Variants in NARF observed in about 807,000 individuals in gnomAD.
NARF encodes iron-only hydrogenase-like protein 2.
In NARF, 41 loss-of-function variants were observed where a neutral mutation model predicts 48.0. The ratio of observed to expected loss-of-function variants is 0.85; its 90% CI spans 0.66 to 1.11. The LOEUF is 1.11. Ranked by LOEUF, NARF falls within the 50% of genes least tolerant of loss-of-function variation. The pLI is 0.00. For missense variants in NARF, 613 were observed against 590.2 expected, an observed-to-expected ratio of 1.04 and a Z score of -0.40; for synonymous variants, 215 against 225.5, an observed-to-expected ratio of 0.95 and a Z score of 0.42.
rs1455417106 is a variant in NARF, at chr17:82,486,332, TTG to T, written c.1129+681_1129+682del. Reference sequence around the variant, plus strand: ...TGGGGAACTGAGGACCTTTGTGCCATTGTGAGTCGGGGGGGGCACCACGAGGG... The same window carrying T: ...TGGGGAACTGAGGACCTTTGTGCCATTGAGTCGGGGGGGGCACCACGAGGG... On this transcript the variant is annotated intron_variant, in intron 10 of 10. Coordinates refer to ENST00000309794, the MANE Select transcript of NARF (RefSeq NM_012336.4). 3.3e-5 allele frequency among the ~76,000 whole-genome samples: 5 copies of T among 151,842 alleles called. No individual in the cohort carries two copies. The East Asian group carries it at 9.7e-4, about 29-fold the overall frequency.
rs76862079 is a variant in NARF at position 82,483,534 on chromosome 17, G to A, written c.770-182G>A. On this transcript the variant is annotated intron_variant, in intron 7 of 10. Transcript: ENST00000309794. ...GGAGTTAGAATTGAATTCTGCTTAC[G>A]TTTTATTAGTGTTTCATTTTATTGG... 1,314 of 580,090 alleles carry A rather than the reference G, an allele frequency of 2.3e-3. 7 individuals carry two copies. Among genetic ancestry groups the A allele is most frequent in the Middle Eastern group, 5.7e-3 (19 of 3,320 alleles). The allele number at this position is 580,090 out of a possible 1,614,324, so 35.9% of individuals were successfully genotyped here.
rs2044063034 is a variant in NARF, at chr17:82,484,963, A to G, written c.971+13A>G. The G allele has an allele frequency of 6.3e-7, 1 of 1,591,708 alleles. No individual in the cohort carries two copies. The highest frequency in any genetic ancestry group is 1.3e-5 in the African/African-American group (1 of 74,408). On this transcript the variant is annotated intron_variant, in intron 9 of 10. Coordinates refer to ENST00000309794, the MANE Select transcript of NARF (RefSeq NM_012336.4). ...ACCGAGCCCTGAGGTGTGGGGCAGTATCCACAGCCTGTCTGTGCCTGTGGT... is the reference window on the plus strand; with the variant it reads ...ACCGAGCCCTGAGGTGTGGGGCAGTGTCCACAGCCTGTCTGTGCCTGTGGT...
chr17:82,469,620 T>G (rs1356575740), intron 4 of NARF, among the ~76,000 whole-genome samples: 1 of 152,112 alleles, frequency 6.6e-6, no homozygotes, highest in African/African-American at 2.4e-5. Flanking sequence ...TGTTTGTTTT[T>G]TGAGCTGGAG....
In NARF at chr17:82,460,054, A is replaced by G. The variant is rs544467463; in HGVS notation, c.90A>G (p.Pro30=). The G allele has an allele frequency of 3.1e-6, 5 of 1,613,990 alleles. No homozygotes were observed. Among genetic ancestry groups the G allele is most frequent in the African/African-American group, 2.7e-5 (2 of 75,066 alleles). The change falls in exon 2 of 11, where the codon CCA becomes CCG. Residue 30 remains proline (P), a synonymous_variant. Transcript: ENST00000309794. Reference sequence around the variant, plus strand: ...ATGTGTCAGCCGATGCACCGAGTCCAGCCCAGGAAAATGGAGAGGCAAGTA... The same window carrying G: ...ATGTGTCAGCCGATGCACCGAGTCCGGCCCAGGAAAATGGAGAGGCAAGTA... ...QENVSADAPS[P]AQENGEKGEF...
intron 5 of NARF, among the ~76,000 whole-genome samples, chr17:82,474,450 G>A (rs1354260720): frequency 6.6e-6 from 1 of 152,124 alleles, no homozygotes; most frequent in Non-Finnish European, 1.5e-5. Context: ...AATCTTCGAT[G>A]ATGCATAAGG....
intron 3 of NARF, among the ~76,000 whole-genome samples, chr17:82,465,117 G>A (rs961546256): frequency 3.3e-5 from 5 of 152,130 alleles, no homozygotes; most frequent in Admixed American, 3.3e-4. Flanking sequence ...ATGTCTTCAC[G>A]TGGCAGCAGG....
chr17:82,486,043 A>G (rs778343870), intron 10 of NARF, among the ~76,000 whole-genome samples: 3 of 152,030 alleles, frequency 2.0e-5, no homozygotes, highest in Non-Finnish European at 4.4e-5. Context: ...GTGATGGGAG[A>G]GAGCAGTGAG....
chr17:82,485,110 C>G (rs2044067123), intron 9 of NARF, among the ~76,000 whole-genome samples, 160 bp downstream of exon 9: 1 of 152,176 alleles, frequency 6.6e-6, no homozygotes, highest in Non-Finnish European at 1.5e-5. Flanking sequence ...ATTTTGCTGA[C>G]ATTCCAAACT....
chr17:82,459,205 AC>A, intron 1 of NARF: 3 of 1,038,528 alleles, frequency 2.9e-6, no homozygotes, highest in Non-Finnish European at 3.5e-6. Flanking sequence ...TCTGAGGGTC[AC>A]CGAGCAGCCG....
rs5822530 is a variant in NARF at position 82,480,287 on chromosome 17, G to GCACACACACA, written c.640-794_640-793insACACACACAC. On this transcript the variant is annotated intron_variant, in intron 6 of 10. Transcript: ENST00000309794. Reference sequence around the variant, plus strand: ...AGTCTGTGGGTGAAGTAGCCAGCGCGCGCACACACACACACACACACACAC... The same window carrying GCACACACACA: ...AGTCTGTGGGTGAAGTAGCCAGCGCGCACACACACACGCACACACACACACACACACACAC... The GCACACACACA allele has an allele frequency of 1.3e-3, 492 of 376,156 alleles. 1 individual carries two copies. The highest frequency in any genetic ancestry group is 9.5e-3 in the African/African-American group (450 of 47,154). The allele number at this position is 376,156 out of a possible 1,614,324, so 23.3% of individuals were successfully genotyped here.
rs532094445 is a variant in NARF at position 82,464,761 on chromosome 17, C to T, written c.252+331C>T. 5.3e-5 allele frequency among the ~76,000 whole-genome samples: 8 copies of T among 152,334 alleles called. No homozygotes were observed. The South Asian group carries it at 8.3e-4, about 16-fold the overall frequency. ...TGCGGGCAGCACAGAGCCGGAGCTC[C>T]TGCTGTTCTGCCTCGGCTGCACGTT... On this transcript the variant is annotated intron_variant, in intron 3 of 10. Transcript: ENST00000309794.
At position 82,478,865 on chromosome 17, in the gene NARF, T is replaced by TC. The variant is rs759600543; in HGVS notation, c.592dup (p.Gln198ProfsTer33). 17 of 1,613,524 alleles carry TC rather than the reference T, an allele frequency of 1.1e-5. No individual in the cohort carries two copies. The highest frequency in any genetic ancestry group is 1.4e-5 in the Non-Finnish European group (16 of 1,179,890). On this transcript the variant is annotated frameshift_variant, in exon 6 of 11. Coordinates refer to ENST00000309794, the MANE Select transcript of NARF (RefSeq NM_012336.4). LOFTEE classifies it high-confidence loss of function. ...CACTGCCCACCTCTGCACCGCCAAG[T>TC]CCCCCCAGCAGGTCATGGGCTCTTT...
chr17:82,483,926 C>T, intron 8 of NARF, 147 bp downstream of exon 8: 3 of 661,148 alleles, frequency 4.5e-6, no homozygotes, highest in African/African-American at 1.8e-5. Context: ...TGCCACAACC[C>T]TCAGCCACCC....
intron 9 of NARF, 127 bp from the exon 10 acceptor site, chr17:82,485,370 A>G: frequency 9.6e-7 from 1 of 1,039,484 alleles, no homozygotes; most frequent in South Asian, 1.6e-5. Context: ...GCAGTGAGCC[A>G]AGATGGTGCC....
At chr17:82,470,685 G>C (rs1046624122) in intron 4 of NARF, among the ~76,000 whole-genome samples, 2 of 151,694 alleles carry the variant, frequency 1.3e-5, no homozygotes, top group Non-Finnish European at 1.5e-5. Flanking sequence ...TAGTAAAGAT[G>C]GGGTTTCACC....
At chr17:82,472,483 CAAAA>C (rs533007162) in intron 4 of NARF, 77 bp from the exon 5 acceptor site, 257 of 1,192,780 alleles carry the variant, frequency 2.2e-4, no homozygotes, top group South Asian at 3.3e-4. Flanking sequence ...GACTCCGTCT[CAAAA>C]AAAAAAAAAA....
Position 82,472,718 on chromosome 17 carries a change from C to G in NARF, c.520+20C>G. On this transcript the variant is annotated intron_variant, in intron 5 of 10. Coordinates refer to ENST00000309794, the MANE Select transcript of NARF (RefSeq NM_012336.4). ...GTCCTGGTGAGCCCCTGGACCCCCG[C>G]TCTGTTGGCCTGAGGTGCCAAAAGA... 6.2e-7 allele frequency: 1 copy of G among 1,602,334 alleles called. No individual in the cohort carries two copies. The highest frequency in any genetic ancestry group is 8.5e-7 in the Non-Finnish European group (1 of 1,175,876).
rs1176536184 is a variant in NARF, at chr17:82,480,246, TG to T, written c.640-833del. ...AGGGGTAGCTTGGGTGGGCATCGCT[TG>T]GGAAGATTCAGGAAAGTCTGTGGGT... On this transcript the variant is annotated intron_variant, in intron 6 of 10. Transcript: ENST00000309794. Among the ~76,000 whole-genome samples, 4 of 151,918 alleles carry T rather than the reference TG, an allele frequency of 2.6e-5. No homozygotes were observed. In the South Asian group the frequency reaches 8.3e-4, roughly 31 times the overall value.
chr17:82,479,579 G>T (rs2043913339), intron 6 of NARF, among the ~76,000 whole-genome samples: 2 of 152,168 alleles, frequency 1.3e-5, no homozygotes, highest in South Asian at 2.1e-4. Context: ...TAATCCCATG[G>T]TTTATTCTCC....
Sources: allele counts gnomAD v4.1 joint callset (sites outside exome capture counted in the v4.1 genomes callset), GRCh38; gene constraint gnomAD v4.1.1; transcripts MANE v1.5; gene names NCBI Gene and HGNC (gene_info 2026-07-23, HGNC 2026-07-21).